The following PRKG1 variants were observed in gnomAD, a reference collection of about 807,000 sequenced individuals.
PRKG1 encodes the protein cGMP-dependent protein kinase 1.
Under a neutral mutation model 88.1 loss-of-function variants are expected in PRKG1, and 35 were observed. The observed-to-expected ratio is 0.40, with a 90% CI of 0.30 to 0.53. PRKG1 has a LOEUF of 0.53. PRKG1 is among the 20% of genes least tolerant of loss of function. The probability of loss-of-function intolerance (pLI) is 0.59; values close to 1 mark genes in which losing one functional copy is unlikely to be tolerated. For missense variants in PRKG1, 540 were observed against 839.8 expected (o/e 0.64, Z 4.41); for synonymous variants, 303 against 292.5 (o/e 1.04, Z -0.37).
At chr10:51,633,839 C>A (rs1425744624) in intron 3 of PRKG1, among the ~76,000 whole-genome samples, 2 of 152,052 alleles carry the variant, frequency 1.3e-5, no homozygotes, top group Non-Finnish European at 2.9e-5. Flanking sequence ...CAAAATTGAT[C>A]CATAAGCTAT....
At chr10:51,677,991 A>G (rs185639127) in intron 3 of PRKG1, among the ~76,000 whole-genome samples, 2 of 152,170 alleles carry the variant, frequency 1.3e-5, no homozygotes, top group East Asian at 3.9e-4. Flanking sequence ...CTTCCTTGTG[A>G]GTTGAGTAAA....
intron 1 of PRKG1, among the ~76,000 whole-genome samples, chr10:51,081,284 A>G (rs970942285): frequency 6.6e-6 from 1 of 152,232 alleles, no homozygotes; most frequent in East Asian, 1.9e-4. Context: ...CGAGATGGGT[A>G]TTGGTAAAAC....
At position 51,519,248 on chromosome 10, in the gene PRKG1, A is replaced by G. The variant is rs527596791; in HGVS notation, c.592+51412A>G. On this transcript the variant is annotated intron_variant, in intron 3 of 17. Coordinates refer to ENST00000373980, the MANE Select transcript of PRKG1 (RefSeq NM_006258.4). Reference sequence around the variant, plus strand: ...TGCCTGCTATAGAACCAGGAACCCAATGGTGACTGCTGTAATTACATTCTC... The same window carrying G: ...TGCCTGCTATAGAACCAGGAACCCAGTGGTGACTGCTGTAATTACATTCTC... Among the ~76,000 whole-genome samples, 91 of 152,330 alleles carry G rather than the reference A, an allele frequency of 6.0e-4. 1 individual carries two copies. In the South Asian group the frequency reaches 0.018, roughly 30 times the overall value.
intron 2 of PRKG1, among the ~76,000 whole-genome samples, chr10:51,459,139 T>C (rs1224068027): frequency 6.6e-6 from 1 of 152,066 alleles, no homozygotes; most frequent in African/African-American, 2.4e-5. Flanking sequence ...CACTCCTTCA[T>C]CATATCCTGA....
intron 3 of PRKG1, among the ~76,000 whole-genome samples, chr10:51,555,366 T>C (rs1305426889): frequency 6.6e-6 from 1 of 151,966 alleles, no homozygotes; most frequent in African/African-American, 2.4e-5. Flanking sequence ...GAAATTTTAT[T>C]GCTTGGGGAT....
chr10:51,334,677 G>A (rs2132535979), intron 2 of PRKG1, among the ~76,000 whole-genome samples: 1 of 152,160 alleles, frequency 6.6e-6, no homozygotes, highest in South Asian at 2.1e-4. Context: ...TAGCTAAATT[G>A]GCTATGAACT....
chr10:52,155,208 T>C (rs553087247), intron 8 of PRKG1, among the ~76,000 whole-genome samples: 17 of 152,226 alleles, frequency 1.1e-4, no homozygotes, highest in African/African-American at 4.1e-4. Flanking sequence ...AGTTCTACTT[T>C]TAATTTTTTA....
At chr10:52,207,801 A>G (rs61277906) in intron 9 of PRKG1, among the ~76,000 whole-genome samples, 25,764 of 152,016 alleles carry the variant, frequency 0.17, 2,622 homozygotes, top group South Asian at 0.29. Context: ...CATCAGCCCC[A>G]TGCAGGGTTC....
At chr10:51,675,631 G>A (rs1840691668) in intron 3 of PRKG1, among the ~76,000 whole-genome samples, 1 of 152,132 alleles carries the variant, frequency 6.6e-6, no homozygotes, top group Non-Finnish European at 1.5e-5. Context: ...TACCCAAAGT[G>A]TTTCCAGTCA....
intron 3 of PRKG1, among the ~76,000 whole-genome samples, chr10:51,527,331 G>A (rs564312300): frequency 7.6e-4 from 116 of 152,044 alleles, no homozygotes; most frequent in African/African-American, 2.6e-3. Context: ...GATTTGAGAT[G>A]ATAAAATGTA....
intron 1 of PRKG1, among the ~76,000 whole-genome samples, chr10:51,101,288 T>C (rs756554341): frequency 1.3e-5 from 2 of 152,278 alleles, no homozygotes; most frequent in Non-Finnish European, 2.9e-5. Context: ...TTCCTTACCA[T>C]GTACGGACAC....
chr10:51,173,644 C>T (rs1241360914), intron 2 of PRKG1, among the ~76,000 whole-genome samples: 1 of 151,782 alleles, frequency 6.6e-6, no homozygotes, highest in Non-Finnish European at 1.5e-5. Flanking sequence ...TAATCACTTG[C>T]CTGTAACTAA....
intron 3 of PRKG1, among the ~76,000 whole-genome samples, chr10:51,635,381 C>T (rs1839631789): frequency 6.6e-6 from 1 of 151,094 alleles, no homozygotes; most frequent in Non-Finnish European, 1.5e-5. Context: ...ATAAAAGTGT[C>T]CTTTTTTATA....
intron 2 of PRKG1, among the ~76,000 whole-genome samples, chr10:51,191,891 C>CT (rs1171816566): frequency 2.6e-5 from 4 of 151,736 alleles, no homozygotes; most frequent in African/African-American, 9.7e-5. Flanking sequence ...AATTTTGGAT[C>CT]TACTTTAATA....
At chr10:51,779,379 G>T (rs953642886) in intron 3 of PRKG1, among the ~76,000 whole-genome samples, 1 of 151,972 alleles carries the variant, frequency 6.6e-6, no homozygotes, top group African/African-American at 2.4e-5. Context: ...TACGCCTCTG[G>T]GAGATACCAA....
intron 1 of PRKG1, among the ~76,000 whole-genome samples, chr10:50,993,701 GGGA>G (rs1348566459): frequency 2.0e-5 from 3 of 152,236 alleles, no homozygotes; most frequent in African/African-American, 7.2e-5. Context: ...CTTTGCAGCA[GGGA>G]GGAGATTTCA....
chr10:51,921,144 CCT>C (rs1370293130), intron 5 of PRKG1, among the ~76,000 whole-genome samples: 4 of 151,990 alleles, frequency 2.6e-5, no homozygotes, highest in East Asian at 1.9e-4. Context: ...CTACTTATCC[CCT>C]CTCTTTTACT....
intron 2 of PRKG1, among the ~76,000 whole-genome samples, chr10:51,383,967 A>T (rs749554034): frequency 5.3e-5 from 8 of 152,202 alleles, no homozygotes; most frequent in East Asian, 1.9e-4. Context: ...AGCAAAGAGC[A>T]GTAAAGGGTA....
At chr10:51,753,720 T>A (rs1335979631) in intron 3 of PRKG1, among the ~76,000 whole-genome samples, 1 of 152,186 alleles carries the variant, frequency 6.6e-6, no homozygotes, top group Admixed American at 6.5e-5. Flanking sequence ...TCAACAAGTA[T>A]ATTTTTTAGA....
Sources: gnomAD v4.1 joint callset for allele counts (sites outside exome capture counted in the v4.1 genomes callset) on GRCh38, gnomAD v4.1.1 for gene constraint, MANE v1.5 for transcripts, NCBI Gene and HGNC (gene_info 2026-07-23, HGNC 2026-07-21) for gene names.